Variants in VEGFC observed in about 807,000 individuals in gnomAD.
VEGFC encodes vascular endothelial growth factor C.
In VEGFC, 12 loss-of-function variants were observed where a neutral mutation model predicts 46.1. The observed-to-expected ratio is 0.26, with a 90% CI of 0.17 to 0.42. The LOEUF (loss-of-function observed/expected upper bound fraction) is 0.42, where lower values mean the gene tolerates loss of function less well. VEGFC is among the 10% of genes least tolerant of loss of function. VEGFC has a pLI of 1.00. For missense variants in VEGFC, 488 were observed against 529.4 expected (o/e 0.92, Z 0.77); for synonymous variants, 232 against 195.5 (o/e 1.19, Z -1.56).
In VEGFC at chr4:176,792,727, C is replaced by G. The variant is rs1736125928; in HGVS notation, c.-416G>C. Reference sequence around the variant, plus strand: ...CCGCCAGAGCCCTCGTCCCCCTCCTCCCTCCCCTTCCCCGAAGTGAGAGGA... The same window carrying G: ...CCGCCAGAGCCCTCGTCCCCCTCCTGCCTCCCCTTCCCCGAAGTGAGAGGA... On this transcript the variant is annotated 5_prime_UTR_variant, in exon 1 of 7. Coordinates refer to ENST00000618562, the MANE Select transcript of VEGFC (RefSeq NM_005429.5). The surrounding 1 kb of genome is among the most constrained non-coding windows in gnomAD (Gnocchi z 6.3). The G allele has an allele frequency of 6.6e-6, 1 of 151,384 alleles. No individual in the cohort carries two copies. The highest frequency in any genetic ancestry group is 6.6e-5 in the Admixed American group (1 of 15,098). 9.4% of individuals were successfully genotyped at this position (151,384 alleles called of 1,614,324 possible). A position where few individuals can be genotyped will look rare whatever the true frequency, so the allele number is the denominator to read the frequency against.
chr4:176,690,000 G>A (rs1318438305), intron 4 of VEGFC, among the ~76,000 whole-genome samples: 3 of 152,116 alleles, frequency 2.0e-5, no homozygotes, highest in African/African-American at 4.8e-5. Context: ...ACAGAAATGT[G>A]CTCTCAAAAT....
At chr4:176,699,457 A>C (rs1734385819) in intron 4 of VEGFC, among the ~76,000 whole-genome samples, 2 of 152,242 alleles carry the variant, frequency 1.3e-5, no homozygotes, top group Non-Finnish European at 2.9e-5. Flanking sequence ...TGTTATCTGA[A>C]GTTCAAACTT....
intron 4 of VEGFC, among the ~76,000 whole-genome samples, chr4:176,698,696 C>T (rs528716877): frequency 3.9e-5 from 6 of 152,164 alleles, no homozygotes; most frequent in African/African-American, 1.4e-4. Flanking sequence ...CAAGTTGTCA[C>T]ACTCTAACAT....
chr4:176,733,926 A>G (rs1356314120), intron 1 of VEGFC, among the ~76,000 whole-genome samples: 3 of 151,876 alleles, frequency 2.0e-5, no homozygotes, highest in Admixed American at 2.0e-4. Flanking sequence ...TTAAAAAAAT[A>G]ATTTTGCTTT....
intron 1 of VEGFC, among the ~76,000 whole-genome samples, chr4:176,769,892 C>T (rs903314531): frequency 1.4e-4 from 22 of 152,098 alleles, no homozygotes; most frequent in African/African-American, 5.3e-4. Flanking sequence ...CCAGTAATAA[C>T]ATAAAATAGA....
intron 1 of VEGFC, among the ~76,000 whole-genome samples, chr4:176,778,290 C>G (rs1735849351): frequency 6.6e-6 from 1 of 152,030 alleles, no homozygotes; most frequent in Admixed American, 6.5e-5. Flanking sequence ...GCTCTGATGA[C>G]TAAACTGTGC....
chr4:176,684,712 T>C (rs1734006890), intron 6 of VEGFC, among the ~76,000 whole-genome samples: 1 of 152,204 alleles, frequency 6.6e-6, no homozygotes, highest in African/African-American at 2.4e-5. Flanking sequence ...TCTCCTGCCC[T>C]GTTGCTCCAG....
intron 1 of VEGFC, among the ~76,000 whole-genome samples, chr4:176,784,215 C>T (rs750804644): frequency 9.9e-5 from 15 of 151,754 alleles, no homozygotes; most frequent in African/African-American, 1.7e-4. Context: ...AATACAGGCA[C>T]GTGTCACCAT....
intron 4 of VEGFC, chr4:176,706,018 GTACTA>G (rs1734528105): frequency 6.6e-6 from 1 of 152,166 alleles, no homozygotes; most frequent in Non-Finnish European, 1.5e-5. Context: ...CTTCAGCCTT[GTACTA>G]TGTGATGTGT....
chr4:176,730,626 T>C (rs941057030), intron 1 of VEGFC, among the ~76,000 whole-genome samples: 11 of 152,058 alleles, frequency 7.2e-5, no homozygotes, highest in Non-Finnish European at 1.2e-4. Context: ...TCTCAAAGTT[T>C]AGTCGAATAA....
intron 4 of VEGFC, among the ~76,000 whole-genome samples, chr4:176,694,368 CA>C (rs1560935948): frequency 6.6e-6 from 1 of 151,886 alleles, no homozygotes; most frequent in Non-Finnish European, 1.5e-5. Flanking sequence ...CAACAAAGAT[CA>C]AAAGAGACAA....
In VEGFC at chr4:176,687,381, A is replaced by C; in HGVS notation, c.951T>G (p.Cys317Trp). ...TGGGGAAGAGTTTGTTTTTACAGAC[A>C]CACTGGCATGAGTTTCTGTCTAGTT... ...HKELDRNSCQ[C>W]VCKNKLFPSQ... The change falls in exon 6 of 7, where the codon TGT becomes TGG. Residue 317 changes from cysteine to tryptophan, a missense_variant. Transcript: ENST00000618562. 6.2e-7 allele frequency: 1 copy of C among 1,614,178 alleles called. No individual in the cohort carries two copies. Among genetic ancestry groups the C allele is most frequent in the Non-Finnish European group, 8.5e-7 (1 of 1,180,024 alleles).
At chr4:176,715,927 A>T (rs1734691583) in intron 3 of VEGFC, among the ~76,000 whole-genome samples, 1 of 152,198 alleles carries the variant, frequency 6.6e-6, no homozygotes, top group South Asian at 2.1e-4. Flanking sequence ...ACAGACAGTA[A>T]TTAGAGTCCT....
chr4:176,764,106 G>A (rs1735576330), intron 1 of VEGFC, among the ~76,000 whole-genome samples: 1 of 152,066 alleles, frequency 6.6e-6, no homozygotes. Flanking sequence ...GAAACGAAAA[G>A]CAACAAACAC....
intron 3 of VEGFC, among the ~76,000 whole-genome samples, chr4:176,716,440 C>T (rs564858315): frequency 6.6e-6 from 1 of 151,432 alleles, no homozygotes; most frequent in Non-Finnish European, 1.5e-5. Context: ...AGCTGGGTGG[C>T]GTGGCGGATG....
At chr4:176,721,324 A>G (rs78496121) in intron 3 of VEGFC, among the ~76,000 whole-genome samples, 3,205 of 152,328 alleles carry the variant, frequency 0.021, 105 homozygotes, top group African/African-American at 0.073. Flanking sequence ...CAACCCAATT[A>G]GAAAAGATAA....
chr4:176,716,027 T>C (rs2111003613), intron 3 of VEGFC, among the ~76,000 whole-genome samples: 1 of 152,302 alleles, frequency 6.6e-6, no homozygotes, highest in South Asian at 2.1e-4. Context: ...GGGATAATAA[T>C]AATGGTGATT....
intron 1 of VEGFC, among the ~76,000 whole-genome samples, chr4:176,776,043 A>T (rs4690361): frequency 1.1e-3 from 171 of 152,176 alleles, no homozygotes; most frequent in Non-Finnish European, 2.0e-3. Context: ...AAAGAATGTT[A>T]GGTTATAAAC....
chr4:176,751,471 T>C (rs978064852), intron 1 of VEGFC, among the ~76,000 whole-genome samples: 8 of 151,944 alleles, frequency 5.3e-5, no homozygotes, highest in Non-Finnish European at 1.5e-5. Context: ...ATTCTTTTTA[T>C]AAGGAAACAT....
Sources: gnomAD v4.1 joint callset for allele counts (sites outside exome capture counted in the v4.1 genomes callset) on GRCh38, gnomAD v4.1.1 for gene constraint, Gnocchi (gnomAD v3.1) non-coding constraint, MANE v1.5 for transcripts, NCBI Gene and HGNC (gene_info 2026-07-23, HGNC 2026-07-21) for gene names.